CNOT1: variants seen among roughly 807,000 people sequenced by gnomAD.
CNOT1 encodes CCR4-associated factor 1.
CNOT1 carries 15 observed loss-of-function variants against 273.8 expected under a neutral mutation model. The observed-to-expected ratio is 0.05, with a 90% CI of 0.04 to 0.08. CNOT1 has a LOEUF of 0.08. Among genes scored for constraint, CNOT1 ranks in the 10% least tolerant of loss-of-function variants. The pLI is 1.00. For synonymous variants in CNOT1, 1,022 were observed against 1,005.5 expected, an observed-to-expected ratio of 1.02 and a Z score of -0.31; for missense variants, 1,644 against 2,912.2, an observed-to-expected ratio of 0.56 and a Z score of 10.02.
intron 16 of CNOT1, among the ~76,000 whole-genome samples, 184 bp downstream of exon 16, chr16:58,574,425 C>T (rs985959490): frequency 2.7e-5 from 4 of 149,552 alleles, no homozygotes; most frequent in African/African-American, 9.9e-5. Flanking sequence ...CTACCTCACA[C>T]CAGATACAAA....
chr16:58,620,345 T>C (rs1385714419), intron 1 of CNOT1, among the ~76,000 whole-genome samples: 2 of 151,962 alleles, frequency 1.3e-5, no homozygotes, highest in Non-Finnish European at 2.9e-5. Flanking sequence ...ATTCCAGATG[T>C]AAAAAGACGA....
chr16:58,582,933 C>T (rs1257852581), intron 9 of CNOT1, 30 bp from the exon 10 acceptor site: 3 of 1,613,430 alleles, frequency 1.9e-6, no homozygotes, highest in Non-Finnish European at 2.5e-6. Flanking sequence ...ATTAAACAAA[C>T]CCAACTACTC....
In CNOT1 at chr16:58,555,301, T is replaced by C; in HGVS notation, c.2841A>G (p.Gly947=). The C allele has an allele frequency of 6.2e-7, 1 of 1,614,146 alleles. No homozygotes were observed. Residue 947 remains glycine (G), a synonymous_variant, in exon 21 of 49, where the codon GGA becomes GGG. Coordinates refer to ENST00000317147, the MANE Select transcript of CNOT1 (RefSeq NM_016284.5). ...CAATCCCGAAATAATACATTTTGGA[T>C]CCAAAAGGCTTGCGTAAGGCTTCAA... ...YVLEALRKPF[G]SKMYYFGIAA... is the part of the protein sequence containing the mutation.
chr16:58,539,101 A>G (rs530917743), intron 35 of CNOT1, among the ~76,000 whole-genome samples, 187 bp from the exon 36 acceptor site: 1 of 151,824 alleles, frequency 6.6e-6, no homozygotes, highest in South Asian at 2.1e-4. Flanking sequence ...ATTTAAGTTC[A>G]TTCTGTGCTC....
chr16:58,550,044 G>A (rs1407382103), intron 24 of CNOT1, 146 bp from the exon 25 acceptor site: 2 of 1,268,812 alleles, frequency 1.6e-6, no homozygotes, highest in Admixed American at 3.1e-5. Flanking sequence ...CCAGATAGAT[G>A]CTATGAAGAA....
At chr16:58,588,778 A>C (rs576101930) in intron 3 of CNOT1, 21 bp downstream of exon 3, 1 of 1,610,528 alleles carries the variant, frequency 6.2e-7, no homozygotes, top group African/African-American at 1.3e-5. Flanking sequence ...AGTGGACATG[A>C]ACTCTGTAAG....
At position 58,547,311 on chromosome 16, in the gene CNOT1, A is replaced by C; in HGVS notation, c.3640-15T>G. 6.2e-7 allele frequency: 1 copy of C among 1,611,686 alleles called. No individual in the cohort carries two copies. Among genetic ancestry groups the C allele is most frequent in the Non-Finnish European group, 8.5e-7 (1 of 1,179,220 alleles). ...ACATCCAAGTCCTAGAATAAGAAAA[A>C]TACTTTCAAAAGCGGGGAATATACC... On this transcript the variant is annotated splice_polypyrimidine_tract_variant and intron_variant, in intron 26 of 48. Transcript: ENST00000317147. The surrounding 1 kb of genome is among the most constrained non-coding windows in gnomAD (Gnocchi z 4.0).
intron 22 of CNOT1, among the ~76,000 whole-genome samples, chr16:58,553,229 C>T (rs2040513232): frequency 6.6e-6 from 1 of 151,898 alleles, no homozygotes; most frequent in South Asian, 2.1e-4. Flanking sequence ...CCAAGATTGC[C>T]TCACTCTAGC....
At position 58,614,558 on chromosome 16, in the gene CNOT1, G is replaced by A. The variant is rs367726362; in HGVS notation, c.-174-15047C>T. 4.1e-4 allele frequency among the ~76,000 whole-genome samples: 51 copies of A among 125,180 alleles called. 12 individuals are homozygous for A. Among genetic ancestry groups the A allele is most frequent in the Admixed American group, 3.3e-3 (42 of 12,678 alleles). The allele number at this position is 125,180 out of a possible 152,430, so 82.1% of individuals were successfully genotyped here. On this transcript the variant is annotated intron_variant, in intron 1 of 48. Coordinates refer to ENST00000317147, the MANE Select transcript of CNOT1 (RefSeq NM_016284.5). The stretch of plus-strand genomic sequence containing the variant: ...CAACATTTCACATACACGTGCTGTC[G>A]CAACTCCATGCTGGAGGAATTGTGT...
At position 58,534,168 on chromosome 16, in the gene CNOT1, T is replaced by G; in HGVS notation, c.5874A>C (p.Thr1958=). ...AGACCTTGTTCAGCAGATTAATCTT[T>G]GTGACAGTGTTGGTGGCCTCCCCTG... The part of the protein sequence containing the change: ...KHSGEATNTV[T]KINLLNKVLG... The change falls in exon 40 of 49, where the codon ACA becomes ACC. Residue 1958 remains threonine, a synonymous_variant. Coordinates refer to ENST00000317147, the MANE Select transcript of CNOT1 (RefSeq NM_016284.5). 1 of 1,614,198 alleles carries G rather than the reference T, an allele frequency of 6.2e-7. No individual in the cohort carries two copies. Among genetic ancestry groups the G allele is most frequent in the Non-Finnish European group, 8.5e-7 (1 of 1,180,026 alleles).
chr16:58,534,365 C>G lies in CNOT1; in HGVS notation c.5677G>C (p.Asp1893His). The G allele has an allele frequency of 6.2e-7, 1 of 1,614,060 alleles. No homozygotes were observed. The highest frequency in any genetic ancestry group is 8.5e-7 in the Non-Finnish European group (1 of 1,179,990). Residue 1893 changes from aspartate (D) to histidine (H), a missense_variant, in exon 40 of 49, where the codon GAT becomes CAT. Coordinates refer to ENST00000317147, the MANE Select transcript of CNOT1 (RefSeq NM_016284.5). ...AGACGAAAGAACCTTGTTATGAGAT[C>G]ATCGGTCTTCAGTATTCCTTGCTGG... ...MHQQGILKTD[D>H]LITRFFRLCT...
intron 34 of CNOT1, among the ~76,000 whole-genome samples, chr16:58,540,482 C>T (rs563049672): frequency 2.0e-5 from 3 of 152,088 alleles, no homozygotes; most frequent in Non-Finnish European, 4.4e-5. Flanking sequence ...AATAATTAGC[C>T]TATAATATTC....
At chr16:58,579,669 A>G (rs1419567796) in intron 12 of CNOT1, among the ~76,000 whole-genome samples, 1 of 152,196 alleles carries the variant, frequency 6.6e-6, no homozygotes, top group East Asian at 1.9e-4. Flanking sequence ...TATAGATAGA[A>G]AAAAATTGAA....
chr16:58,583,075 G>A lies in CNOT1; in HGVS notation c.914C>T (p.Thr305Ile). Residue 305 changes from threonine (T) to isoleucine (I), a missense_variant, in exon 9 of 49, where the codon ACA (threonine) becomes ATA (isoleucine). Around this residue, in one of 13 missense-constraint regions of CNOT1, gnomAD observed 706 missense variants for 1,021.2 expected, o/e 0.69. Transcript: ENST00000317147. ...GMMARTHSGLTDGIPLQSISA... is the reference protein window; with the variant it reads ...GMMARTHSGLIDGIPLQSISA... ...ACACACCTGTAATGGAATGCCATCT[G>A]TTAATCCTGAATGAGTTCGAGCCAT... 1 of 1,613,992 alleles carries A rather than the reference G, an allele frequency of 6.2e-7. No homozygotes were observed. The highest frequency in any genetic ancestry group is 1.1e-5 in the South Asian group (1 of 91,072).
intron 22 of CNOT1, among the ~76,000 whole-genome samples, chr16:58,553,090 T>C (rs2040508614): frequency 6.6e-6 from 1 of 152,068 alleles, no homozygotes; most frequent in African/African-American, 2.4e-5. Context: ...CTGGCCAACA[T>C]GTTGAAACCT....
At chr16:58,553,929 C>A in intron 21 of CNOT1, 69 bp from the exon 22 acceptor site, 1 of 1,501,090 alleles carries the variant, frequency 6.7e-7, no homozygotes, top group Non-Finnish European at 8.9e-7. Context: ...ATGTTTTTGT[C>A]CAAATGCTAA....
At chr16:58,582,663 A>G (rs2041697588) in intron 10 of CNOT1, 130 bp downstream of exon 10, 1 of 633,352 alleles carries the variant, frequency 1.6e-6, no homozygotes, top group Admixed American at 2.8e-5. Context: ...TACTGCCTGC[A>G]GTACACAATT....
Position 58,547,372 on chromosome 16 carries a change from T to A in CNOT1, c.3640-76A>T, listed in dbSNP as rs16960238. ...GTATAACAAAACCAAAGAAAAGTAT[T>A]TTGCCAAGCTTATCCCCAAAACAGG... is the stretch of plus-strand genomic sequence containing the variant. On this transcript the variant is annotated intron_variant, in intron 26 of 48. Transcript: ENST00000317147. The surrounding 1 kb of genome is among the most constrained non-coding windows in gnomAD (Gnocchi z 4.0). The A allele has an allele frequency of 6.3e-7, 1 of 1,580,480 alleles. No individual in the cohort carries two copies. Among genetic ancestry groups the A allele is most frequent in the African/African-American group, 1.4e-5 (1 of 73,504 alleles).
chr16:58,566,191 G>A (rs2041036508), intron 16 of CNOT1, among the ~76,000 whole-genome samples: 1 of 152,148 alleles, frequency 6.6e-6, no homozygotes, highest in African/African-American at 2.4e-5. Flanking sequence ...AATTTGTGGA[G>A]AGATATTTTC....
Sources: gnomAD v4.1 joint callset for allele counts (sites outside exome capture counted in the v4.1 genomes callset) on GRCh38, gnomAD v4.1.1 for gene constraint, gnomAD v4.1.1 regional missense constraint, Gnocchi (gnomAD v3.1) non-coding constraint, MANE v1.5 for transcripts, NCBI Gene and HGNC (gene_info 2026-07-23, HGNC 2026-07-21) for gene names.